NEURL4: variants seen among roughly 807,000 people sequenced by gnomAD.
NEURL4 encodes neuralized-like protein 4.
NEURL4 carries 45 observed loss-of-function variants against 148.0 expected under a neutral mutation model. That is an observed-to-expected ratio of 0.30 (90% CI 0.24 to 0.39). The LOEUF (loss-of-function observed/expected upper bound fraction) is 0.39. Among genes scored for constraint, NEURL4 ranks in the 10% least tolerant of loss-of-function variants. The pLI is 1.00. For synonymous variants in NEURL4, 854 were observed against 869.0 expected (o/e 0.98, Z 0.30); for missense variants, 1,776 against 2,144.0 (o/e 0.83, Z 3.39).
In NEURL4 at chr17:7,319,535, T is replaced by C. The variant is rs568033857; in HGVS notation, c.3526-327A>G. On this transcript the variant is annotated intron_variant, in intron 21 of 28. Transcript: ENST00000399464. Reference sequence around the variant, plus strand: ...GACCAACATGGTGAAACTCCGTCTCTACTAAAAATACAAAATTAGCCGGGC... The same window carrying C: ...GACCAACATGGTGAAACTCCGTCTCCACTAAAAATACAAAATTAGCCGGGC... Among the ~76,000 whole-genome samples, 126 of 151,470 alleles carry C rather than the reference T, an allele frequency of 8.3e-4. 1 individual carries two copies. The highest frequency in any genetic ancestry group is 3.0e-3 in the African/African-American group (125 of 41,316).
At position 7,319,143 on chromosome 17, in the gene NEURL4, C is replaced by T. The variant is rs754072802; in HGVS notation, c.3591G>A (p.Ala1197=). The change falls in exon 22 of 29, where the codon GCG becomes GCA. Residue 1197 remains alanine, a synonymous_variant. Transcript: ENST00000399464. The part of the protein sequence containing the change: ...SSLVLGVITC[A]PERLNFPASA... ...AAGCAGGGAAGTTGAGCCTCTCAGGCGCGCAGGTGATGACTCCCAGGACAA... is the reference window on the plus strand; with the variant it reads ...AAGCAGGGAAGTTGAGCCTCTCAGGTGCGCAGGTGATGACTCCCAGGACAA... 1.8e-5 allele frequency: 29 copies of T among 1,613,916 alleles called. No homozygotes were observed. The highest frequency in any genetic ancestry group is 1.2e-4 in the South Asian group (11 of 91,080).
Position 7,318,717 on chromosome 17 carries a change from C to G in NEURL4, c.3685-43G>C. On this transcript the variant is annotated intron_variant, in intron 22 of 28. Transcript: ENST00000399464. This position sits in a 1 kb window ranked among gnomAD's most constrained non-coding sequence, Gnocchi z 4.3. ...CTGTCTTCCAGAGGTCAGACTCCAC[C>G]GCGGCAGCTGTCCCGCCCTTTGCTC... The G allele has an allele frequency of 6.4e-7, 1 of 1,557,654 alleles. No homozygotes were observed. Among genetic ancestry groups the G allele is most frequent in the Non-Finnish European group, 8.7e-7 (1 of 1,148,188 alleles).
Position 7,317,912 on chromosome 17 carries a change from G to A in NEURL4, c.4081C>T (p.Pro1361Ser), listed in dbSNP as rs1366578250. The stretch of plus-strand genomic sequence containing the variant: ...TCACAGTAGCACAGGCTTCGCTTTG[G>A]CGGAGGCATGAAATAATCTTCTGCG... The part of the protein sequence containing the change: ...LLPEDYFMPP[P>S]KRSLCYCESC... Residue 1361 changes from proline to serine, a missense_variant, in exon 26 of 29, where the codon CCA becomes TCA. By Grantham distance (74) the Pro-to-Ser change is moderately conservative (BLOSUM62 -1). Transcript: ENST00000399464. 1 of 1,614,214 alleles carries A rather than the reference G, an allele frequency of 6.2e-7. No homozygotes were observed. The highest frequency in any genetic ancestry group is 1.7e-5 in the Admixed American group (1 of 60,028).
At chr17:7,317,071 C>T in intron 28 of NEURL4, 134 bp downstream of exon 28, 1 of 552,410 alleles carries the variant, frequency 1.8e-6, no homozygotes, top group Non-Finnish European at 3.0e-6. Flanking sequence ...GAAGAAAGGG[C>T]TGAGTTGGAG....
At chr17:7,323,221 G>T in intron 14 of NEURL4, 98 bp from the exon 15 acceptor site, 2 of 1,345,168 alleles carry the variant, frequency 1.5e-6, no homozygotes, top group Non-Finnish European at 2.1e-6. Context: ...AATGTCTTGG[G>T]CTGGTGTCTT....
Position 7,326,239 on chromosome 17 carries a change from T to C in NEURL4, c.1293+16A>G, listed in dbSNP as rs778546180. The C allele has an allele frequency of 6.2e-7, 1 of 1,612,860 alleles. No homozygotes were observed. The highest frequency in any genetic ancestry group is 2.2e-5 in the East Asian group (1 of 44,844). ...CTCTGCTGAAAGCGGCCCAGGGATC[T>C]GTGCCCCACCCTCACCTGCAACTCA... On this transcript the variant is annotated intron_variant, in intron 6 of 28. Coordinates refer to ENST00000399464, the MANE Select transcript of NEURL4 (RefSeq NM_032442.3). The surrounding 1 kb of genome is among the most constrained non-coding windows in gnomAD (Gnocchi z 6.0).
rs1597637512 is a variant in NEURL4, at chr17:7,324,992, G to A, written c.1632-12C>T. ...AGTCATCGGTGGCACTGAGGGCACA[G>A]CAAGTGGAGAGTCAGATCCCCAACA... is the stretch of plus-strand genomic sequence containing the variant. On this transcript the variant is annotated splice_polypyrimidine_tract_variant and intron_variant, in intron 8 of 28. Coordinates refer to ENST00000399464, the MANE Select transcript of NEURL4 (RefSeq NM_032442.3). This position sits in a 1 kb window ranked among gnomAD's most constrained non-coding sequence, Gnocchi z 5.9. The A allele has an allele frequency of 6.2e-7, 1 of 1,613,500 alleles. No homozygotes were observed. The highest frequency in any genetic ancestry group is 2.2e-5 in the East Asian group (1 of 44,856).
At position 7,319,055 on chromosome 17, in the gene NEURL4, G is replaced by T; in HGVS notation, c.3679C>A (p.Leu1227Ile). The T allele has an allele frequency of 6.2e-7, 1 of 1,611,136 alleles. No individual in the cohort carries two copies. Among genetic ancestry groups the T allele is most frequent in the South Asian group, 1.1e-5 (1 of 90,854 alleles). ...LRGRGVFHNGLKICEKFGPNL... is the reference protein window; with the variant it reads ...LRGRGVFHNGIKICEKFGPNL... ...TCTCTCTGGCTCCTACTCACCTTGA[G>T]ACCGTTGTGGAAGACCCCACGGCCC... The change falls in exon 22 of 29, where the codon CTC (leucine) becomes ATC (isoleucine). Residue 1227 changes from leucine to isoleucine, a missense_variant. Physicochemically the swap from Leu to Ile is conservative, Grantham distance 5. Coordinates refer to ENST00000399464, the MANE Select transcript of NEURL4 (RefSeq NM_032442.3).
chr17:7,327,778 A>G lies in NEURL4; in HGVS notation c.389T>C (p.Val130Ala). 6.2e-7 allele frequency: 1 copy of G among 1,614,048 alleles called. No homozygotes were observed. Among genetic ancestry groups the G allele is most frequent in the Non-Finnish European group, 8.5e-7 (1 of 1,180,022 alleles). The change falls in exon 2 of 29, where the codon GTG becomes GCG. Residue 130 changes from valine (V) to alanine (A), a missense_variant. Coordinates refer to ENST00000399464, the MANE Select transcript of NEURL4 (RefSeq NM_032442.3). This position sits in a 1 kb window ranked among gnomAD's most constrained non-coding sequence, Gnocchi z 6.6. ...ATCTCTCAGCACAGAGCAGCCCGAC[A>G]CTACCCACGAGCCCCCCTTCAGGCC... ...ATGLKGGSWVVSGCSVLRDGR... is the reference protein window; with the variant it reads ...ATGLKGGSWVASGCSVLRDGR...
rs2072989536 is a variant in NEURL4 at position 7,318,981 on chromosome 17, T to C, written c.3684+69A>G. 6.6e-7 allele frequency: 1 copy of C among 1,508,446 alleles called. No homozygotes were observed. Among genetic ancestry groups the C allele is most frequent in the African/African-American group, 1.4e-5 (1 of 71,592 alleles). The allele number at this position is 1,508,446 out of a possible 1,614,324, so 93.4% of individuals were successfully genotyped here. On this transcript the variant is annotated intron_variant, in intron 22 of 28. Coordinates refer to ENST00000399464, the MANE Select transcript of NEURL4 (RefSeq NM_032442.3). This position sits in a 1 kb window ranked among gnomAD's most constrained non-coding sequence, Gnocchi z 4.3. ...CTACCTCCAAGGCTAGGGGCCCACT[T>C]CTCCCTTCTGGCCAGCCCTTCTCTA...
chr17:7,319,700 C>CAAAAAAAAA (rs369930443), intron 21 of NEURL4, among the ~76,000 whole-genome samples: 1 of 118,068 alleles, frequency 8.5e-6, no homozygotes, highest in African/African-American at 3.0e-5. Flanking sequence ...AACTCCGTCT[C>CAAAAAAAAA]AAAAAAAACA....
Position 7,318,360 on chromosome 17 carries a change from C to T in NEURL4, c.3865-4G>A. 1.9e-6 allele frequency: 3 copies of T among 1,614,006 alleles called. No individual in the cohort carries two copies. Among genetic ancestry groups the T allele is most frequent in the Non-Finnish European group, 2.5e-6 (3 of 1,179,926 alleles). ...GCTCAGGGTTCACGATTGTCACCTG[C>T]AGGGGAGAGGGTAGTCAGACAGAGC... is the stretch of plus-strand genomic sequence containing the variant. On this transcript the variant is annotated splice_region_variant and splice_polypyrimidine_tract_variant and intron_variant, in intron 23 of 28. Coordinates refer to ENST00000399464, the MANE Select transcript of NEURL4 (RefSeq NM_032442.3). This position sits in a 1 kb window ranked among gnomAD's most constrained non-coding sequence, Gnocchi z 4.3.
rs756188354 is a variant in NEURL4, at chr17:7,323,953, G to A, written c.2122C>T (p.Pro708Ser). 1 of 1,612,802 alleles carries A rather than the reference G, an allele frequency of 6.2e-7. No individual in the cohort carries two copies. The highest frequency in any genetic ancestry group is 8.5e-7 in the Non-Finnish European group (1 of 1,180,020). ...TCAGAGCCCCCGGCCCCTGAGGACG[G>A]AGAGCTTGGAGACACCTGGTTGTTC... ...EGNNQVSPSS[P>S]SSGAGGSDLR... The change falls in exon 12 of 29, where the codon CCG becomes TCG. Residue 708 changes from proline to serine, a missense_variant. Physicochemically the swap from Pro to Ser is moderately conservative, Grantham distance 74. Coordinates refer to ENST00000399464, the MANE Select transcript of NEURL4 (RefSeq NM_032442.3).
intron 21 of NEURL4, among the ~76,000 whole-genome samples, chr17:7,319,899 G>T (rs1042962430): frequency 6.6e-6 from 1 of 151,444 alleles, no homozygotes; most frequent in Non-Finnish European, 1.5e-5. Flanking sequence ...GTGCGATCTC[G>T]GCTCACTGCA....
chr17:7,328,513 C>G (rs2073132252), intron 1 of NEURL4, among the ~76,000 whole-genome samples: 1 of 152,208 alleles, frequency 6.6e-6, no homozygotes, highest in Non-Finnish European at 1.5e-5. Context: ...AAGCCATTCT[C>G]CTGCCTCAGC....
At position 7,325,454 on chromosome 17, in the gene NEURL4, C is replaced by T. The variant is rs773044949; in HGVS notation, c.1386G>A (p.Thr462=). 34 of 1,611,526 alleles carry T rather than the reference C, an allele frequency of 2.1e-5. No individual in the cohort carries two copies. Among genetic ancestry groups the T allele is most frequent in the African/African-American group, 6.7e-5 (5 of 74,822 alleles). ...CCACCACACCATACACCACTGGGGGCGTCAAGGGGGTTGCCACTCCTGTGG... is the reference window on the plus strand; with the variant it reads ...CCACCACACCATACACCACTGGGGGTGTCAAGGGGGTTGCCACTCCTGTGG... ...GIDQGVATPL[T]PPVVYGVVDL... is the part of the protein sequence containing the mutation. The change falls in exon 8 of 29, where the codon ACG becomes ACA. Residue 462 remains threonine, a synonymous_variant. Coordinates refer to ENST00000399464, the MANE Select transcript of NEURL4 (RefSeq NM_032442.3).
At position 7,324,349 on chromosome 17, in the gene NEURL4, T is replaced by C. The variant is rs1323369911; in HGVS notation, c.1899+46A>G. On this transcript the variant is annotated intron_variant, in intron 10 of 28. Transcript: ENST00000399464. This position sits in a 1 kb window ranked among gnomAD's most constrained non-coding sequence, Gnocchi z 5.9. ...TGGTCCTGCATCAGCCCCGCGGTGT[T>C]TGTGATGCCCGCTGCGGCCGCCAGG... 11 of 1,613,974 alleles carry C rather than the reference T, an allele frequency of 6.8e-6. No homozygotes were observed. The highest frequency in any genetic ancestry group is 2.2e-5 in the East Asian group (1 of 44,872).
chr17:7,323,032 T>C lies in NEURL4; in HGVS notation c.2509A>G (p.Met837Val), dbSNP rs1369030083. 1.2e-6 allele frequency: 2 copies of C among 1,613,736 alleles called. No individual in the cohort carries two copies. The highest frequency in any genetic ancestry group is 1.7e-6 in the Non-Finnish European group (2 of 1,179,972). ...ALGTGARIGM[M>V]RTAKGDLHYF... ...TGCAGGTCGCCCTTGGCAGTTCGCA[T>C]CATGCCAATGCGTGCACCTGTGCCC... is the stretch of plus-strand genomic sequence containing the variant. The change falls in exon 15 of 29, where the codon ATG (methionine) becomes GTG (valine). Residue 837 changes from methionine to valine, a missense_variant. Coordinates refer to ENST00000399464, the MANE Select transcript of NEURL4 (RefSeq NM_032442.3).
In NEURL4 at chr17:7,319,216, A is replaced by G; in HGVS notation, c.3526-8T>C. The G allele has an allele frequency of 1.2e-6, 2 of 1,607,602 alleles. No homozygotes were observed. Among genetic ancestry groups the G allele is most frequent in the South Asian group, 1.1e-5 (1 of 90,552 alleles). ...TAGGAAATCTATCCGCACCTGGGGA[A>G]GAAAGAACTACTCCATAATCACAGC... is the stretch of plus-strand genomic sequence containing the variant. On this transcript the variant is annotated splice_region_variant and splice_polypyrimidine_tract_variant and intron_variant, in intron 21 of 28. Transcript: ENST00000399464.
Sources: gnomAD v4.1 joint callset for allele counts (sites outside exome capture counted in the v4.1 genomes callset) on GRCh38, gnomAD v4.1.1 for gene constraint, Gnocchi (gnomAD v3.1) non-coding constraint, MANE v1.5 for transcripts, NCBI Gene and HGNC (gene_info 2026-07-23, HGNC 2026-07-21) for gene names.